CCDC190: variants seen among roughly 807,000 people sequenced by gnomAD.
CCDC190 encodes the protein coiled-coil domain containing 190, also known as coiled-coil domain-containing protein 190.
In CCDC190, 10 loss-of-function variants were observed where a neutral mutation model predicts 13.1. The ratio of observed to expected loss-of-function variants is 0.77; its 90% CI spans 0.47 to 1.30. CCDC190 has a LOEUF of 1.30. Ranked by LOEUF, CCDC190 falls within the 50% of genes most tolerant of loss-of-function variation. CCDC190 has a pLI of 0.00. For synonymous variants in CCDC190, 136 were observed against 127.2 expected (o/e 1.07, Z -0.47); for missense variants, 375 against 354.3 (o/e 1.06, Z -0.47).
chr1:162,859,714 C>G (rs1571045275), intron 1 of CCDC190, 56 bp from the exon 2 acceptor site: 1 of 1,423,684 alleles, frequency 7.0e-7, no homozygotes, highest in East Asian at 2.4e-5. Flanking sequence ...GGGATACTGA[C>G]CCCGGCTTTT....
chr1:162,868,068 A>T (rs74934181), intron 1 of CCDC190, among the ~76,000 whole-genome samples: 4,398 of 152,338 alleles, frequency 0.029, 123 homozygotes, highest in African/African-American at 0.07. Context: ...ATTTTATCTC[A>T]GTAAAGTTGA....
intron 1 of CCDC190, among the ~76,000 whole-genome samples, chr1:162,860,342 G>A (rs1650462431): frequency 6.6e-6 from 1 of 152,104 alleles, no homozygotes; most frequent in Non-Finnish European, 1.5e-5. Flanking sequence ...CTGGGCGAAA[G>A]CTCCTCTTCT....
chr1:162,859,755 T>A (rs1213037483), intron 1 of CCDC190, 97 bp from the exon 2 acceptor site: 1 of 961,082 alleles, frequency 1.0e-6, no homozygotes, highest in African/African-American at 1.7e-5. Context: ...ACCTGTGTAT[T>A]TCTGAAACCA....
chr1:162,856,277 G>A (rs956999554), intron 2 of CCDC190, among the ~76,000 whole-genome samples: 10 of 152,128 alleles, frequency 6.6e-5, no homozygotes, highest in Non-Finnish European at 1.0e-4. Flanking sequence ...AGGTTGATCT[G>A]GTGTGATAGA....
upstream of CCDC190, among the ~76,000 whole-genome samples, chr1:162,866,108 A>G (rs1167865439): frequency 6.6e-6 from 1 of 152,238 alleles, no homozygotes; most frequent in Admixed American, 6.5e-5. Context: ...ATCACAAAAC[A>G]TTTAGAAATA....
chr1:162,856,478 AT>A (rs1650305633), intron 2 of CCDC190, among the ~76,000 whole-genome samples: 1 of 152,194 alleles, frequency 6.6e-6, no homozygotes, highest in Non-Finnish European at 1.5e-5. Context: ...CTTCACCACA[AT>A]TATGTGACCT....
Position 162,852,194 on chromosome 1 carries a change from T to G in CCDC190, c.*2571A>C, listed in dbSNP as rs1650131289. On this transcript the variant is annotated 3_prime_UTR_variant, in exon 4 of 4. Coordinates refer to ENST00000367912, the MANE Select transcript of CCDC190 (RefSeq NM_001394065.1). ...CATGTATTATAGAATTTATGGTCCC[T>G]ACCTACTAGACTCCAGTGGCAGCCC... is the stretch of plus-strand genomic sequence containing the variant. 1 of 152,210 alleles carries G rather than the reference T, an allele frequency of 6.6e-6. No homozygotes were observed. Among genetic ancestry groups the G allele is most frequent in the South Asian group, 2.1e-4 (1 of 4,824 alleles). 9.4% of individuals were successfully genotyped at this position (152,210 alleles called of 1,614,324 possible). A position where few individuals can be genotyped will look rare whatever the true frequency, so the allele number is the denominator to read the frequency against.
chr1:162,855,454 C>G, intron 3 of CCDC190, 95 bp from the exon 4 acceptor site: 1 of 1,471,458 alleles, frequency 6.8e-7, no homozygotes, highest in Non-Finnish European at 9.1e-7. Context: ...CCTTCAGTAT[C>G]GGCCAAGGTA....
chr1:162,855,937 A>G, intron 2 of CCDC190, 182 bp from the exon 3 acceptor site: 1 of 508,334 alleles, frequency 2.0e-6, no homozygotes, highest in Non-Finnish European at 3.5e-6. Flanking sequence ...CGGTGTCCTT[A>G]TAAGGAAAGG....
chr1:162,856,917 C>G (rs1036784555), intron 2 of CCDC190, among the ~76,000 whole-genome samples: 13 of 151,982 alleles, frequency 8.6e-5, no homozygotes, highest in Non-Finnish European at 1.6e-4. Context: ...TTTTGAGCTA[C>G]TTCTCCCAGC....
At chr1:162,860,297 G>A (rs1463627826) in intron 1 of CCDC190, among the ~76,000 whole-genome samples, 1 of 152,298 alleles carries the variant, frequency 6.6e-6, no homozygotes, top group African/African-American at 2.4e-5. Context: ...CATCCACGAT[G>A]AGTAGTCTGG....
chr1:162,863,772 G>T (rs1206430514), upstream of CCDC190, among the ~76,000 whole-genome samples: 1 of 152,158 alleles, frequency 6.6e-6, no homozygotes, highest in Admixed American at 6.5e-5. Flanking sequence ...TGTAATCCCA[G>T]CACTTTGGGA....
chr1:162,864,891 A>G (rs146120300), upstream of CCDC190, among the ~76,000 whole-genome samples: 1,220 of 152,200 alleles, frequency 8.0e-3, 13 homozygotes, highest in African/African-American at 0.028. Context: ...TTTAAACCCA[A>G]ATATATTAAG....
Position 162,855,297 on chromosome 1 carries a change from T to G in CCDC190, c.374A>C (p.His125Pro), listed in dbSNP as rs766486154. ...CATGGGGTCTTTGAGGCCAGCATCATGTGAAGGAGGCACCTGGGACTTGCT... is the reference window on the plus strand; with the variant it reads ...CATGGGGTCTTTGAGGCCAGCATCAGGTGAAGGAGGCACCTGGGACTTGCT... ...CKSKSQVPPS[H>P]DAGLKDPMKS... The change falls in exon 4 of 4, where the codon CAT becomes CCT. Residue 125 changes from histidine to proline, a missense_variant. Coordinates refer to ENST00000367912, the MANE Select transcript of CCDC190 (RefSeq NM_001394065.1). The G allele has an allele frequency of 6.2e-7, 1 of 1,613,596 alleles. No individual in the cohort carries two copies. Among genetic ancestry groups the G allele is most frequent in the Admixed American group, 1.7e-5 (1 of 60,026 alleles).
chr1:162,863,042 A>G (rs1650574005), upstream of CCDC190, among the ~76,000 whole-genome samples: 1 of 152,202 alleles, frequency 6.6e-6, no homozygotes. Flanking sequence ...ATCAGCGAAG[A>G]TAGTGATTGA....
Position 162,851,231 on chromosome 1 carries a change from T to C in CCDC190, c.*3534A>G, listed in dbSNP as rs1420986684. ...TGAATGTCTGACCCAGTAGGTGTGG[T>C]TGGAGGTGAGGGAATGAGTTGGTTC... On this transcript the variant is annotated 3_prime_UTR_variant, in exon 4 of 4. Transcript: ENST00000367912. The C allele has an allele frequency of 6.6e-6, 1 of 151,882 alleles. No homozygotes were observed. The highest frequency in any genetic ancestry group is 1.5e-5 in the Non-Finnish European group (1 of 68,006). 9.4% of individuals were successfully genotyped at this position (151,882 alleles called of 1,614,324 possible).
chr1:162,864,876 T>A (rs937272419), upstream of CCDC190, among the ~76,000 whole-genome samples: 5 of 152,042 alleles, frequency 3.3e-5, no homozygotes, highest in Non-Finnish European at 7.4e-5. Context: ...GGCAAGATGA[T>A]AGATTTTAAA....
At chr1:162,861,270 T>A (rs1341864881), upstream of CCDC190, among the ~76,000 whole-genome samples, 1 of 152,134 alleles carries the variant, frequency 6.6e-6, no homozygotes, top group Non-Finnish European at 1.5e-5. Flanking sequence ...AGGCCAGAGC[T>A]CTAAATAGCT....
At chr1:162,865,848 T>C (rs1650682639), upstream of CCDC190, among the ~76,000 whole-genome samples, 1 of 152,150 alleles carries the variant, frequency 6.6e-6, no homozygotes, top group Non-Finnish European at 1.5e-5. Flanking sequence ...GGCATAGATA[T>C]TTGCTCTTAC....
Sources: gnomAD v4.1 joint callset for allele counts (sites outside exome capture counted in the v4.1 genomes callset) on GRCh38, gnomAD v4.1.1 for gene constraint, MANE v1.5 for transcripts, NCBI Gene and HGNC (gene_info 2026-07-23, HGNC 2026-07-21) for gene names.